PPARGC1B: variants seen among roughly 807,000 people sequenced by gnomAD.
PPARGC1B encodes peroxisome proliferator-activated receptor gamma coactivator 1-beta.
Under a neutral mutation model 101.6 loss-of-function variants are expected in PPARGC1B, and 34 were observed. The observed-to-expected ratio is 0.33, with a 90% CI of 0.25 to 0.45. The LOEUF (loss-of-function observed/expected upper bound fraction) is 0.45. Ranked by LOEUF, PPARGC1B falls within the 20% of genes least tolerant of loss-of-function variation. The pLI, the probability that PPARGC1B is intolerant of heterozygous loss-of-function variation, is 1.00. For missense variants in PPARGC1B, 1,234 were observed against 1,317.6 expected (o/e 0.94, Z 0.98); for synonymous variants, 548 against 539.3 (o/e 1.02, Z -0.22).
chr5:149,762,060 G>A (rs1755735459), intron 1 of PPARGC1B, among the ~76,000 whole-genome samples: 2 of 152,082 alleles, frequency 1.3e-5, no homozygotes, highest in South Asian at 2.1e-4. Flanking sequence ...GTTCTTCTTG[G>A]GTTCTCCTGG....
At chr5:149,737,293 G>A (rs981000694) in intron 1 of PPARGC1B, among the ~76,000 whole-genome samples, 3 of 152,048 alleles carry the variant, frequency 2.0e-5, no homozygotes, top group Non-Finnish European at 4.4e-5. Context: ...CCTGATTTCC[G>A]AAGGCCTTCG....
chr5:149,768,260 T>G (rs1755991484), intron 1 of PPARGC1B, among the ~76,000 whole-genome samples: 1 of 152,168 alleles, frequency 6.6e-6, no homozygotes, highest in Admixed American at 6.5e-5. Context: ...GCAGCTTAAT[T>G]GGCACTTGCC....
chr5:149,731,968 A>G (rs1002314782), intron 1 of PPARGC1B, among the ~76,000 whole-genome samples: 3 of 151,980 alleles, frequency 2.0e-5, no homozygotes, highest in African/African-American at 7.2e-5. Context: ...TTCGCGGCAG[A>G]GGCCGGAGGG....
rs77374002 is a variant in PPARGC1B, at chr5:149,732,695, G to A, written c.78+2275G>A. ...GCTTTGAGCCGCCCCTAGAAGGCTC[G>A]GAGAGCCCAGCCGGAAGAGGACCTG... is the stretch of plus-strand genomic sequence containing the variant. On this transcript the variant is annotated intron_variant, in intron 1 of 11. Coordinates refer to ENST00000309241, the MANE Select transcript of PPARGC1B (RefSeq NM_133263.4). 5.5e-3 allele frequency: 2,336 copies of A among 425,326 alleles called. 41 individuals are homozygous for A. Among genetic ancestry groups the A allele is most frequent in the African/African-American group, 0.046 (2,153 of 47,236 alleles). 26.3% of individuals were successfully genotyped at this position (425,326 alleles called of 1,614,324 possible). A position where few individuals can be genotyped will look rare whatever the true frequency, so the allele number is the denominator to read the frequency against.
chr5:149,762,446 C>T (rs1755751079), intron 1 of PPARGC1B, among the ~76,000 whole-genome samples: 1 of 152,198 alleles, frequency 6.6e-6, no homozygotes, highest in Admixed American at 6.5e-5. Context: ...CTGTGCCAGG[C>T]CCTGCAGATC....
chr5:149,746,083 A>G (rs1265905251), intron 1 of PPARGC1B, among the ~76,000 whole-genome samples: 4 of 152,198 alleles, frequency 2.6e-5, no homozygotes, highest in Non-Finnish European at 4.4e-5. Context: ...TGCCTGATTC[A>G]CTGCCATCCC....
intron 1 of PPARGC1B, among the ~76,000 whole-genome samples, chr5:149,775,140 C>T (rs1301995864): frequency 6.6e-6 from 1 of 152,110 alleles, no homozygotes; most frequent in Admixed American, 6.5e-5. Flanking sequence ...CTGCCAGCCC[C>T]ACATGGCTGA....
At chr5:149,821,343 G>A (rs1758287877) in intron 2 of PPARGC1B, among the ~76,000 whole-genome samples, 2 of 152,198 alleles carry the variant, frequency 1.3e-5, no homozygotes. Context: ...GTAATGGCTA[G>A]CATTTCCTGT....
intron 1 of PPARGC1B, among the ~76,000 whole-genome samples, chr5:149,812,760 C>T (rs1757912277): frequency 6.6e-6 from 1 of 152,200 alleles, no homozygotes; most frequent in African/African-American, 2.4e-5. Flanking sequence ...CCTGCAGTTT[C>T]CTGGTATTTG....
intron 1 of PPARGC1B, among the ~76,000 whole-genome samples, 188 bp from the exon 2 acceptor site, chr5:149,820,245 G>T (rs1561584186): frequency 6.6e-6 from 1 of 152,188 alleles, no homozygotes; most frequent in Non-Finnish European, 1.5e-5. Context: ...GTTTTGTACT[G>T]CTGGGGCCTA....
At chr5:149,786,401 T>C (rs1396483647) in intron 1 of PPARGC1B, among the ~76,000 whole-genome samples, 1 of 151,912 alleles carries the variant, frequency 6.6e-6, no homozygotes, top group African/African-American at 2.4e-5. Context: ...CAGCCAGATT[T>C]TTGTATTTTT....
intron 1 of PPARGC1B, among the ~76,000 whole-genome samples, chr5:149,809,134 GATA>G (rs1757711951): frequency 7.6e-6 from 1 of 131,614 alleles, no homozygotes; most frequent in Non-Finnish European, 1.6e-5. Flanking sequence ...TAGATAGATA[GATA>G]GATAGATAGA....
chr5:149,845,792 G>A lies in PPARGC1B; in HGVS notation c.2849G>A (p.Cys950Tyr), dbSNP rs998956450. The stretch of plus-strand genomic sequence containing the variant: ...AAGTACGGCTTCATCACCTACCGGT[G>A]TTCTGAGCACGCGGCCCTCTCTTTG... ...GEKYGFITYRCSEHAALSLTK... is the reference protein window; with the variant it reads ...GEKYGFITYRYSEHAALSLTK... The change falls in exon 11 of 12, where the codon TGT becomes TAT. Residue 950 changes from cysteine (C) to tyrosine (Y), a missense_variant. Around this residue, in one of 3 missense-constraint regions of PPARGC1B, gnomAD observed 497 missense variants for 529.5 expected, o/e 0.94. Transcript: ENST00000309241. 3.1e-6 allele frequency: 5 copies of A among 1,613,694 alleles called. No individual in the cohort carries two copies. In the East Asian group the frequency reaches 1.1e-4, roughly 36 times the overall value.
intron 1 of PPARGC1B, chr5:149,818,868 G>A (rs917765847): frequency 1.1e-5 from 5 of 456,348 alleles, no homozygotes; most frequent in African/African-American, 6.0e-5. Flanking sequence ...TATTGTTGTT[G>A]TCCACGTTTT....
intron 1 of PPARGC1B, among the ~76,000 whole-genome samples, chr5:149,753,449 C>T (rs981959366): frequency 6.6e-6 from 1 of 152,126 alleles, no homozygotes; most frequent in African/African-American, 2.4e-5. Flanking sequence ...CTCAAGTGAT[C>T]CTCCCACCTC....
intron 1 of PPARGC1B, among the ~76,000 whole-genome samples, chr5:149,767,383 G>A (rs1024598997): frequency 6.4e-4 from 97 of 152,268 alleles, no homozygotes; most frequent in African/African-American, 1.9e-3. Flanking sequence ...GCTTATTCAG[G>A]ACTCCCAGGG....
At chr5:149,829,530 G>C (rs530108209) in intron 3 of PPARGC1B, among the ~76,000 whole-genome samples, 1 of 152,210 alleles carries the variant, frequency 6.6e-6, no homozygotes, top group South Asian at 2.1e-4. Flanking sequence ...TCTCCGTGCT[G>C]TACTAAAATC....
In PPARGC1B at chr5:149,836,751, A is replaced by G; in HGVS notation, c.2296A>G (p.Lys766Glu). 6.2e-7 allele frequency: 1 copy of G among 1,613,708 alleles called. No homozygotes were observed. The highest frequency in any genetic ancestry group is 8.5e-7 in the Non-Finnish European group (1 of 1,180,024). ...RDHEIRASLT[K>E]HFGLLETALE... The stretch of plus-strand genomic sequence containing the variant: ...CCATGAGATCCGTGCCAGCCTCACC[A>G]AACACTTTGGGCTGCTGGAGACCGC... Residue 766 changes from lysine to glutamate, a missense_variant, in exon 8 of 12, where the codon AAA becomes GAA. Lys to Glu is a moderately conservative substitution (Grantham distance 56). This residue lies in a region of PPARGC1B where 497 missense variants were observed against 529.5 expected (regional missense o/e 0.94). Transcript: ENST00000309241.
At chr5:149,840,273 A>G (rs529894907) in intron 9 of PPARGC1B, among the ~76,000 whole-genome samples, 157 bp downstream of exon 9, 53 of 152,272 alleles carry the variant, frequency 3.5e-4, no homozygotes, top group East Asian at 1.2e-3. Context: ...GCAGACAATG[A>G]TATTTCTCTC....
Sources: gnomAD v4.1 joint callset for allele counts (sites outside exome capture counted in the v4.1 genomes callset) on GRCh38, gnomAD v4.1.1 for gene constraint, gnomAD v4.1.1 regional missense constraint, MANE v1.5 for transcripts, NCBI Gene and HGNC (gene_info 2026-07-23, HGNC 2026-07-21) for gene names.